Variants in ERI3 observed in about 807,000 individuals in gnomAD.
ERI3 encodes ERI1 exoribonuclease family member 3.
A neutral mutation model predicts 44.4 loss-of-function variants in ERI3; 18 were observed. That is an observed-to-expected ratio of 0.41 (90% CI 0.28 to 0.60). The LOEUF is 0.60. Ranked by LOEUF, ERI3 falls within the 20% of genes least tolerant of loss-of-function variation. The probability of loss-of-function intolerance (pLI) is 0.36; values close to 1 mark genes in which losing one functional copy is unlikely to be tolerated. For missense variants in ERI3, 294 were observed against 435.5 expected, an observed-to-expected ratio of 0.68 and a Z score of 2.89; for synonymous variants, 183 against 164.8, an observed-to-expected ratio of 1.11 and a Z score of -0.84.
At chr1:44,308,933 G>A (rs1274277916) in intron 5 of ERI3, among the ~76,000 whole-genome samples, 1 of 152,218 alleles carries the variant, frequency 6.6e-6, no homozygotes, top group Non-Finnish European at 1.5e-5. Flanking sequence ...TTACTGGACT[G>A]GAGCCCCATC....
intron 7 of ERI3, among the ~76,000 whole-genome samples, chr1:44,250,824 C>A (rs1287872916): frequency 1.3e-5 from 2 of 152,170 alleles, no homozygotes; most frequent in Non-Finnish European, 2.9e-5. Context: ...CTGCTTCCAG[C>A]GGGACCTTCA....
intron 8 of ERI3, among the ~76,000 whole-genome samples, chr1:44,242,280 G>A (rs534486881): frequency 2.0e-5 from 3 of 152,178 alleles, no homozygotes; most frequent in Non-Finnish European, 4.4e-5. Flanking sequence ...GGGGAAGCAG[G>A]CAAGGTACCT....
At chr1:44,292,802 T>A (rs963473407) in intron 6 of ERI3, among the ~76,000 whole-genome samples, 1 of 152,230 alleles carries the variant, frequency 6.6e-6, no homozygotes, top group African/African-American at 2.4e-5. Context: ...AGAAAGATGA[T>A]ACACTTGCTG....
intron 8 of ERI3, among the ~76,000 whole-genome samples, chr1:44,237,183 A>C (rs1468586974): frequency 6.6e-6 from 1 of 152,184 alleles, no homozygotes; most frequent in African/African-American, 2.4e-5. Flanking sequence ...TGGTAGAACC[A>C]GGAACACGGC....
chr1:44,279,047 G>T (rs1645235896), intron 7 of ERI3, among the ~76,000 whole-genome samples: 1 of 152,212 alleles, frequency 6.6e-6, no homozygotes, highest in African/African-American at 2.4e-5. Flanking sequence ...CACACAAAAT[G>T]CAATCTGTAA....
chr1:44,314,006 G>T (rs943643058), intron 4 of ERI3, among the ~76,000 whole-genome samples: 4 of 152,100 alleles, frequency 2.6e-5, no homozygotes, highest in South Asian at 4.1e-4. Context: ...AAAGACTGGG[G>T]ATAGATTGCC....
rs548968438 is a variant in ERI3, at chr1:44,325,278, T to C, written c.490-5534A>G. On this transcript the variant is annotated intron_variant, in intron 3 of 8. Coordinates refer to ENST00000372257, the MANE Select transcript of ERI3 (RefSeq NM_024066.3). ...TTTTAGTAGAGACAGGGTTTCACCATATTGGCCAGGCTGGTCTCAAACTCC... is the reference window on the plus strand; with the variant it reads ...TTTTAGTAGAGACAGGGTTTCACCACATTGGCCAGGCTGGTCTCAAACTCC... Among the ~76,000 whole-genome samples the C allele has an allele frequency of 2.6e-5, 4 of 152,064 alleles. No homozygotes were observed. In the South Asian group the frequency reaches 8.3e-4, roughly 32 times the overall value.
chr1:44,337,831 G>A lies in ERI3; in HGVS notation c.489+1214C>T, dbSNP rs116506781. Among the ~76,000 whole-genome samples the A allele has an allele frequency of 9.5e-3, 1,443 of 152,094 alleles. 26 individuals carry two copies. The highest frequency in any genetic ancestry group is 0.033 in the African/African-American group (1,372 of 41,460). The stretch of plus-strand genomic sequence containing the variant: ...ATGGACCACACTCCTCCCTACCTTC[G>A]AAGTGCCCGATGCTGAGGTCCCCTT... On this transcript the variant is annotated intron_variant, in intron 3 of 8. Transcript: ENST00000372257.
At chr1:44,281,212 A>G (rs184857190) in intron 7 of ERI3, among the ~76,000 whole-genome samples, 1 of 152,234 alleles carries the variant, frequency 6.6e-6, no homozygotes, top group Admixed American at 6.5e-5. Context: ...TACTCAATGC[A>G]ACTAAAATTA....
chr1:44,249,988 AG>A (rs1644641662), intron 7 of ERI3, among the ~76,000 whole-genome samples: 2 of 152,186 alleles, frequency 1.3e-5, no homozygotes, highest in African/African-American at 4.8e-5. Flanking sequence ...AAGGGAAGGA[AG>A]GGGGAAAAAA....
At chr1:44,320,727 T>G (rs1572272129) in intron 3 of ERI3, among the ~76,000 whole-genome samples, 1 of 152,146 alleles carries the variant, frequency 6.6e-6, no homozygotes, top group East Asian at 1.9e-4. Context: ...TATTAGCGCT[T>G]TCATAAATTT....
At chr1:44,248,353 G>A (rs1018131140) in intron 7 of ERI3, among the ~76,000 whole-genome samples, 36 of 151,992 alleles carry the variant, frequency 2.4e-4, no homozygotes, top group Non-Finnish European at 1.6e-4. Flanking sequence ...CTCTCACAAG[G>A]GCATACCTGC....
chr1:44,319,752 G>A lies in ERI3; in HGVS notation c.490-8C>T, dbSNP rs1646161441. The stretch of plus-strand genomic sequence containing the variant: ...GGGGAACTCGATGATTTCCTGGAGT[G>A]CCAAAGATACAGAAAAGGAAAAATA... On this transcript the variant is annotated splice_region_variant and splice_polypyrimidine_tract_variant and intron_variant, in intron 3 of 8. Transcript: ENST00000372257. 6.3e-7 allele frequency: 1 copy of A among 1,587,426 alleles called. No homozygotes were observed. The highest frequency in any genetic ancestry group is 8.6e-7 in the Non-Finnish European group (1 of 1,156,336).
At chr1:44,306,554 C>T (rs1645837227) in intron 6 of ERI3, among the ~76,000 whole-genome samples, 1 of 152,192 alleles carries the variant, frequency 6.6e-6, no homozygotes, top group Admixed American at 6.5e-5. Flanking sequence ...GTCCAGGGCC[C>T]ACTGTGCTAC....
chr1:44,352,717 A>G, intron 2 of ERI3, 133 bp downstream of exon 2: 1 of 927,546 alleles, frequency 1.1e-6, no homozygotes, highest in Non-Finnish European at 1.6e-6. Flanking sequence ...CTACAAAAAA[A>G]TATGATTCGT....
chr1:44,320,598 G>A (rs1362277546), intron 3 of ERI3, among the ~76,000 whole-genome samples: 1 of 152,178 alleles, frequency 6.6e-6, no homozygotes, highest in Admixed American at 6.5e-5. Context: ...GTACCAGAGA[G>A]AAGAGGGAAA....
intron 6 of ERI3, among the ~76,000 whole-genome samples, chr1:44,307,167 G>T (rs1645854890): frequency 6.6e-6 from 1 of 152,076 alleles, no homozygotes; most frequent in Non-Finnish European, 1.5e-5. Context: ...TGGGAGATGA[G>T]GTCTCTGTGT....
At chr1:44,334,498 A>G (rs777327197) in intron 3 of ERI3, among the ~76,000 whole-genome samples, 1 of 152,252 alleles carries the variant, frequency 6.6e-6, no homozygotes, top group Admixed American at 6.5e-5. Context: ...AACAATTCCT[A>G]AAACAAGAAA....
At chr1:44,267,648 T>C (rs1327093679) in intron 7 of ERI3, among the ~76,000 whole-genome samples, 1 of 152,250 alleles carries the variant, frequency 6.6e-6, no homozygotes, top group Non-Finnish European at 1.5e-5. Flanking sequence ...GGCCTCAGGC[T>C]TGCCCTGGGA....
Sources: allele counts gnomAD v4.1 joint callset (sites outside exome capture counted in the v4.1 genomes callset), GRCh38; gene constraint gnomAD v4.1.1; transcripts MANE v1.5; gene names NCBI Gene and HGNC (gene_info 2026-07-23, HGNC 2026-07-21).